FABP7: variants seen among roughly 807,000 people sequenced by gnomAD.
FABP7 encodes fatty acid-binding protein, brain.
A neutral mutation model predicts 14.2 loss-of-function variants in FABP7; 13 were observed. The ratio of observed to expected loss-of-function variants is 0.91; its 90% CI spans 0.59 to 1.45. FABP7 has a LOEUF of 1.45. Among genes scored for constraint, FABP7 ranks in the 40% most tolerant of loss-of-function variants. FABP7 has a pLI of 0.00. For missense variants in FABP7, 149 were observed against 157.6 expected (o/e 0.95, Z 0.29); for synonymous variants, 49 against 51.4 (o/e 0.95, Z 0.20).
At chr6:122,751,124 G>A in the FABP7 span, among the ~76,000 whole-genome samples, 15 of 152,170 alleles carry the variant, frequency 9.9e-5, no homozygotes, top group Middle Eastern at 0.01. Context: ...TAGTCTAGAA[G>A]GTATCATAAA....
chr6:122,754,628 G>A, the FABP7 span, among the ~76,000 whole-genome samples: 9 of 119,064 alleles, frequency 7.6e-5, no homozygotes, highest in Non-Finnish European at 1.5e-4. Context: ...ACTTTTCAGT[G>A]GTAACAATGG....
chr6:122,763,138 A>G, the FABP7 span, among the ~76,000 whole-genome samples: 352 of 152,336 alleles, frequency 2.3e-3, 4 homozygotes, highest in African/African-American at 8.3e-3. Context: ...ACTTCAAACT[A>G]TACTATAAGG....
At position 122,783,909 on chromosome 6, in the gene FABP7, T is replaced by C. The variant is rs750787288; in HGVS notation, c.*142T>C. 8 of 626,404 alleles carry C rather than the reference T, an allele frequency of 1.3e-5. No individual in the cohort carries two copies. The highest frequency in any genetic ancestry group is 2.0e-5 in the African/African-American group (1 of 51,278). 38.8% of individuals were successfully genotyped at this position (626,404 alleles called of 1,614,324 possible). ...GGTGGAAAATGGTGATTTAAAAACTTGTTACTCCAAGCAACTTGCCCAATT... is the reference window on the plus strand; with the variant it reads ...GGTGGAAAATGGTGATTTAAAAACTCGTTACTCCAAGCAACTTGCCCAATT... On this transcript the variant is annotated 3_prime_UTR_variant, in exon 4 of 4. Coordinates refer to ENST00000368444, the MANE Select transcript of FABP7 (RefSeq NM_001446.5).
upstream of FABP7, among the ~76,000 whole-genome samples, chr6:122,775,215 A>T (rs1582515250): frequency 1.3e-5 from 2 of 152,130 alleles, no homozygotes; most frequent in African/African-American, 4.8e-5. Context: ...TAAAAAGAAC[A>T]AAGCAAAAAG....
At chr6:122,783,335 A>G (rs1780841473) in intron 3 of FABP7, 1 of 985,076 alleles carries the variant, frequency 1.0e-6, no homozygotes, top group Non-Finnish European at 1.2e-6. Context: ...TTCAAAATTT[A>G]TCTAGGTTAA....
chr6:122,759,350 C>A, the FABP7 span, among the ~76,000 whole-genome samples: 2 of 152,194 alleles, frequency 1.3e-5, no homozygotes, highest in Admixed American at 1.3e-4. Context: ...AAAATCTAGA[C>A]ATCCAAATAA....
chr6:122,761,957 A>C, the FABP7 span, among the ~76,000 whole-genome samples: 1 of 152,330 alleles, frequency 6.6e-6, no homozygotes, highest in Non-Finnish European at 1.5e-5. Flanking sequence ...ATTCTACCAG[A>C]GGTACAAAGA....
intron 3 of FABP7, chr6:122,783,405 T>C (rs1780843327): frequency 4.1e-6 from 4 of 984,806 alleles, no homozygotes; most frequent in Non-Finnish European, 4.8e-6. Flanking sequence ...AGCAGATAGT[T>C]GAGAAAACAA....
chr6:122,762,550 G>A, the FABP7 span, among the ~76,000 whole-genome samples: 1 of 152,140 alleles, frequency 6.6e-6, no homozygotes, highest in African/African-American at 2.4e-5. Context: ...GGGCAATCAG[G>A]CAGGAGAAAG....
At chr6:122,753,800 C>A in the FABP7 span, among the ~76,000 whole-genome samples, 1 of 119,196 alleles carries the variant, frequency 8.4e-6, no homozygotes, top group Non-Finnish European at 1.8e-5. Flanking sequence ...CCCCCGCCCA[C>A]AGAAGTTTTC....
chr6:122,751,316 G>C, the FABP7 span, among the ~76,000 whole-genome samples: 1 of 152,150 alleles, frequency 6.6e-6, no homozygotes, highest in Non-Finnish European at 1.5e-5. Context: ...TACATGCCTG[G>C]TCCCTACATA....
chr6:122,760,324 T>C, the FABP7 span, among the ~76,000 whole-genome samples: 5 of 152,202 alleles, frequency 3.3e-5, no homozygotes, highest in Admixed American at 1.3e-4. Flanking sequence ...GTGAGGTTCA[T>C]TGTCCTGAAG....
the FABP7 span, among the ~76,000 whole-genome samples, chr6:122,766,047 T>C: frequency 6.6e-6 from 1 of 152,092 alleles, no homozygotes; most frequent in South Asian, 2.1e-4. Context: ...AAGGATCTTT[T>C]TTTTCTTTCC....
the FABP7 span, among the ~76,000 whole-genome samples, chr6:122,768,099 A>G: frequency 6.6e-6 from 1 of 152,146 alleles, no homozygotes; most frequent in Non-Finnish European, 1.5e-5. Flanking sequence ...ATCATAGACC[A>G]TTAAACATAT....
Position 122,781,095 on chromosome 6 carries a change from T to C in FABP7, c.249T>C (p.Ser83=). Residue 83 remains serine (S), a splice_region_variant and synonymous_variant, in exon 3 of 4, where the codon TCT becomes TCC. Transcript: ENST00000368444. The stretch of plus-strand genomic sequence containing the variant: ...CTGCATTTTGTTGTTGGTCTCAGTC[T>C]GTTGTTAGCCTGGATGGAGACAAAC... ...ETTADDRNCK[S]VVSLDGDKLV... is the part of the protein sequence containing the mutation. 6.2e-7 allele frequency: 1 copy of C among 1,611,462 alleles called. No individual in the cohort carries two copies. Among genetic ancestry groups the C allele is most frequent in the Non-Finnish European group, 8.5e-7 (1 of 1,177,936 alleles).
chr6:122,778,624 C>T (rs1048842210), upstream of FABP7, among the ~76,000 whole-genome samples: 16 of 152,138 alleles, frequency 1.1e-4, no homozygotes, highest in Non-Finnish European at 2.4e-4. Flanking sequence ...GAAGGAATCT[C>T]TTTGGGTGAA....
intron 3 of FABP7, 52 bp from the exon 4 acceptor site, chr6:122,783,665 G>A (rs1210192228): frequency 7.8e-6 from 12 of 1,542,926 alleles, no homozygotes; most frequent in Admixed American, 4.7e-5. Flanking sequence ...TTTAAAATTC[G>A]GTGACTGAAG....
chr6:122,756,194 G>A, the FABP7 span, among the ~76,000 whole-genome samples: 3 of 151,992 alleles, frequency 2.0e-5, no homozygotes, highest in Admixed American at 6.5e-5. Flanking sequence ...CCTACTTCTC[G>A]CCCTTTGCCC....
At chr6:122,770,360 G>A in the FABP7 span, among the ~76,000 whole-genome samples, 1 of 151,962 alleles carries the variant, frequency 6.6e-6, no homozygotes, top group Admixed American at 6.6e-5. Flanking sequence ...TTTCTTCCTT[G>A]CTGCATAACA....
Sources: allele counts gnomAD v4.1 joint callset (sites outside exome capture counted in the v4.1 genomes callset), GRCh38; gene constraint gnomAD v4.1.1; transcripts MANE v1.5; gene names NCBI Gene and HGNC (gene_info 2026-07-23, HGNC 2026-07-21).